Variants in NLGN3 observed in about 807,000 individuals in gnomAD.
NLGN3 encodes the protein neuroligin-3.
A neutral mutation model predicts 42.9 loss-of-function variants in NLGN3; 11 were observed. The observed-to-expected ratio is 0.26, with a 90% CI of 0.16 to 0.42. The LOEUF is 0.42. NLGN3 is among the 10% of genes least tolerant of loss of function. The pLI, the probability that NLGN3 is intolerant of heterozygous loss-of-function variation, is 1.00. For synonymous variants in NLGN3, 279 were observed against 312.7 expected, an observed-to-expected ratio of 0.89 and a Z score of 1.14; for missense variants, 374 against 733.8, an observed-to-expected ratio of 0.51 and a Z score of 5.67.
intron 1 of NLGN3, among the ~76,000 whole-genome samples, chrX:71,146,145 T>A (rs1602311537): frequency 2.5e-5 from 1 of 40,799 alleles, no homozygotes; most frequent in Non-Finnish European, 4.2e-5. Context: ...TCTCTCTCTC[T>A]CTCTCTCTCA....
In NLGN3 at chrX:71,148,902, G is replaced by A; in HGVS notation, c.514G>A (p.Gly172Arg). ...GCCCAACAAGAAAATTTGTAGGAAA[G>A]GAGGTAGGTAGCGAGCCGGCGGGGA... ...RKPNKKICRK[G>R]GSGAKKQGED... The change falls in exon 3 of 8, where the codon GGA becomes AGA. Residue 172 changes from glycine to arginine, a missense_variant. Around this residue, in one of 6 missense-constraint regions of NLGN3, gnomAD observed 109 missense variants for 173.3 expected, o/e 0.63. Transcript: ENST00000358741. 9.0e-7 allele frequency: 1 copy of A among 1,109,350 alleles called. No individual in the cohort carries two copies. Among genetic ancestry groups the A allele is most frequent in the Non-Finnish European group, 1.2e-6 (1 of 836,253 alleles). 91.4% of individuals were successfully genotyped at this position (1,109,350 alleles called of 1,213,427 possible). A position where few individuals can be genotyped will look rare whatever the true frequency, so the allele number is the denominator to read the frequency against.
At chrX:71,157,016 C>A (rs2092411810) in intron 5 of NLGN3, among the ~76,000 whole-genome samples, 1 of 111,017 alleles carries the variant, frequency 9.0e-6, no homozygotes, top group South Asian at 3.8e-4. Context: ...CTCCCCCAAG[C>A]CCCGCATCCC....
At chrX:71,149,582 A>G (rs1226020779) in intron 3 of NLGN3, among the ~76,000 whole-genome samples, 1 of 112,081 alleles carries the variant, frequency 8.9e-6, no homozygotes, top group Non-Finnish European at 1.9e-5. Flanking sequence ...TGTTTTCTGT[A>G]AAGTGCCTTG....
chrX:71,166,902 C>G (rs934723527), intron 6 of NLGN3, 109 bp from the exon 7 acceptor site: 48 of 710,579 alleles, frequency 6.8e-5, no homozygotes, highest in African/African-American at 6.4e-4. Context: ...GTTGTTCCCC[C>G]TTCCTAGCCC....
downstream of NLGN3, chrX:71,171,595 G>A: frequency 3.2e-6 from 2 of 621,833 alleles, no homozygotes; most frequent in Non-Finnish European, 3.9e-6. Context: ...CTTGGACTGG[G>A]GGCTGGGAGG....
chrX:71,150,595 G>T (rs1247386581), intron 3 of NLGN3, among the ~76,000 whole-genome samples: 2 of 108,802 alleles, frequency 1.8e-5, no homozygotes, highest in African/African-American at 6.7e-5. Flanking sequence ...CCGGCTACTC[G>T]GGAGGTTGAG....
chrX:71,148,355 C>T (rs997046728), intron 2 of NLGN3, 149 bp downstream of exon 2: 1 of 497,346 alleles, frequency 2.0e-6, no homozygotes, highest in Non-Finnish European at 3.6e-6. Context: ...CTCCCACCCC[C>T]CTCCCTGTTC....
intron 3 of NLGN3, among the ~76,000 whole-genome samples, chrX:71,149,343 G>T (rs1182162508): frequency 9.0e-6 from 1 of 110,498 alleles, no homozygotes. Context: ...TAGACCAAAC[G>T]TGTACACAGG....
chrX:71,157,799 TC>T, intron 5 of NLGN3, among the ~76,000 whole-genome samples: 1 of 110,850 alleles, frequency 9.0e-6, no homozygotes, highest in South Asian at 3.8e-4. Flanking sequence ...GAAATGATGC[TC>T]CTTTAAAAAA....
Position 71,170,200 on chromosome X carries a change from CAT to C in NLGN3, c.*108_*109del, listed in dbSNP as rs772193232. The C allele has an allele frequency of 5.1e-5, 59 of 1,166,257 alleles. No homozygotes were observed. The African/African-American group carries it at 6.1e-4, about 12-fold the overall frequency. ...ACACGCAGACACACACACACACACA[CAT>C]ATATGTATACGCACGCACCCACACC... is the stretch of plus-strand genomic sequence containing the variant. On this transcript the variant is annotated 3_prime_UTR_variant, in exon 8 of 8. Transcript: ENST00000358741.
At chrX:71,172,774 T>C (rs1183137560), downstream of NLGN3, among the ~76,000 whole-genome samples, 2 of 110,950 alleles carry the variant, frequency 1.8e-5, no homozygotes, top group African/African-American at 6.6e-5. Context: ...ACAGAGCTGA[T>C]GACCTGTTCT....
chrX:71,152,210 C>T (rs989638588), intron 3 of NLGN3, among the ~76,000 whole-genome samples: 7 of 110,907 alleles, frequency 6.3e-5, no homozygotes, highest in African/African-American at 2.3e-4. Context: ...TCCAGACAGC[C>T]GGTCCTCTCC....
chrX:71,164,521 G>T (rs1441319351), intron 6 of NLGN3, among the ~76,000 whole-genome samples, 193 bp downstream of exon 6: 1 of 112,738 alleles, frequency 8.9e-6, no homozygotes, highest in Non-Finnish European at 1.9e-5. Context: ...GGAAGGAAGA[G>T]AATCCCATTT....
chrX:71,153,547 G>T lies in NLGN3; in HGVS notation c.577+11G>T. 1.7e-6 allele frequency: 2 copies of T among 1,199,342 alleles called. No individual in the cohort carries two copies. The highest frequency in any genetic ancestry group is 2.3e-6 in the Non-Finnish European group (2 of 886,649). The stretch of plus-strand genomic sequence containing the variant: ...GGGATGAAGATGAAGGTATTTGGGG[G>T]CTGCAGGGCGCGGCGGCTGGTGCAT... On this transcript the variant is annotated intron_variant, in intron 4 of 7. Transcript: ENST00000358741.
rs1012884035 is a variant in NLGN3, at chrX:71,146,983, C to G, written c.-200-567C>G. Among the ~76,000 whole-genome samples the G allele has an allele frequency of 4.3e-4, 48 of 111,062 alleles. No individual in the cohort carries two copies. In the Admixed American group the frequency reaches 4.5e-3, roughly 10 times the overall value. On this transcript the variant is annotated intron_variant, in intron 1 of 7. Transcript: ENST00000358741. ...TGTACAGGAGGGGCGCAGGAGGGTCCGAGGAGGACTCCCGTGAATGGCTGT... is the reference window on the plus strand; with the variant it reads ...TGTACAGGAGGGGCGCAGGAGGGTCGGAGGAGGACTCCCGTGAATGGCTGT...
At chrX:71,162,403 T>C (rs974911816) in intron 5 of NLGN3, among the ~76,000 whole-genome samples, 4 of 111,812 alleles carry the variant, frequency 3.6e-5, no homozygotes, top group Admixed American at 1.9e-4. Flanking sequence ...GTGCTGGGAT[T>C]ACAGGTGTGA....
intron 5 of NLGN3, among the ~76,000 whole-genome samples, chrX:71,156,847 C>T (rs2092411117): frequency 8.9e-6 from 1 of 111,793 alleles, no homozygotes; most frequent in Admixed American, 9.5e-5. Flanking sequence ...ACCTCCCCAC[C>T]CCCGCATTCT....
intron 5 of NLGN3, among the ~76,000 whole-genome samples, chrX:71,162,129 G>C (rs1439564886): frequency 1.9e-5 from 2 of 107,538 alleles, no homozygotes; most frequent in Non-Finnish European, 3.9e-5. Flanking sequence ...TTTTTTTTTT[G>C]GTTGCTTTTT....
rs777427649 is a variant in NLGN3 at position 71,167,394 on chromosome X, G to A, written c.1297G>A (p.Val433Ile). The A allele has an allele frequency of 9.9e-6, 12 of 1,209,542 alleles. No individual in the cohort carries two copies. Among genetic ancestry groups the A allele is most frequent in the Middle Eastern group, 4.6e-4 (2 of 4,351 alleles). The part of the protein sequence containing the change: ...GVSGTDFDYS[V>I]SNFVDNLYGY... Reference sequence around the variant, plus strand: ...CTCTGGCACTGACTTTGACTATTCCGTCTCCAATTTTGTGGACAATCTGTA... The same window carrying A: ...CTCTGGCACTGACTTTGACTATTCCATCTCCAATTTTGTGGACAATCTGTA... Residue 433 changes from valine to isoleucine, a missense_variant, in exon 7 of 8, where the codon GTC (valine) becomes ATC (isoleucine). Val to Ile is a conservative substitution (Grantham distance 29). Transcript: ENST00000358741.
Sources: allele counts gnomAD v4.1 joint callset (sites outside exome capture counted in the v4.1 genomes callset), GRCh38; gene constraint gnomAD v4.1.1; regional missense constraint gnomAD v4.1.1; transcripts MANE v1.5; gene names NCBI Gene and HGNC (gene_info 2026-07-23, HGNC 2026-07-21).